The following SUMF1 variants were observed in gnomAD, a reference collection of about 807,000 sequenced individuals.
SUMF1 encodes the protein formylglycine-generating enzyme.
SUMF1 carries 48 observed loss-of-function variants against 47.6 expected under a neutral mutation model. The ratio of observed to expected loss-of-function variants is 1.01; its 90% CI spans 0.80 to 1.28. SUMF1 has a LOEUF of 1.28. Among genes scored for constraint, SUMF1 ranks in the 50% most tolerant of loss-of-function variants. The pLI is 0.00. For synonymous variants in SUMF1, 230 were observed against 192.1 expected (o/e 1.20, Z -1.63); for missense variants, 571 against 485.4 (o/e 1.18, Z -1.66).
At chr3:4,252,794 G>A in intron 8 of SUMF1, among the ~76,000 whole-genome samples, 1 of 149,360 alleles carries the variant, frequency 6.7e-6, no homozygotes, top group South Asian at 2.1e-4. Flanking sequence ...AAAAAAAACT[G>A]CAAATGGTCT....
At chr3:4,205,678 A>C (rs1695636268) in intron 8 of SUMF1, among the ~76,000 whole-genome samples, 1 of 152,326 alleles carries the variant, frequency 6.6e-6, no homozygotes, top group East Asian at 1.9e-4. Flanking sequence ...ACTTTTGCCA[A>C]CTCATAGAGG....
At chr3:4,217,137 G>A (rs903044732) in intron 8 of SUMF1, among the ~76,000 whole-genome samples, 5 of 152,022 alleles carry the variant, frequency 3.3e-5, no homozygotes, top group African/African-American at 9.7e-5. Context: ...ATGATAGACT[G>A]GATTAAAAAC....
At chr3:4,414,882 A>G (rs945297417) in intron 6 of SUMF1, 3 of 152,244 alleles carry the variant, frequency 2.0e-5, no homozygotes, top group Non-Finnish European at 2.9e-5. Context: ...TAACTGTCCA[A>G]GAAAACCCTG....
At chr3:4,371,092 T>C (rs1162628913) in intron 8 of SUMF1, among the ~76,000 whole-genome samples, 1 of 152,252 alleles carries the variant, frequency 6.6e-6, no homozygotes, top group Non-Finnish European at 1.5e-5. Flanking sequence ...AAGTCGTTTA[T>C]TTTAAATTCC....
At chr3:4,060,502 G>T (rs1048667147) in intron 9 of SUMF1, among the ~76,000 whole-genome samples, 2 of 152,124 alleles carry the variant, frequency 1.3e-5, no homozygotes, top group Non-Finnish European at 2.9e-5. Context: ...ACTTTTGAAA[G>T]GCATGAGATT....
At chr3:4,353,453 C>T (rs535515633) in intron 8 of SUMF1, among the ~76,000 whole-genome samples, 18 of 152,218 alleles carry the variant, frequency 1.2e-4, no homozygotes, top group African/African-American at 4.1e-4. Context: ...GGGGTTTCAC[C>T]GTGTTAGCCA....
chr3:4,164,811 A>C lies in SUMF1; in HGVS notation c.1015-96066T>G, dbSNP rs557546639. ...TCCTGATATCTGTGCCAGATTGGAT[A>C]ATAAACTTATCTTTTAGGATAAATT... is the stretch of plus-strand genomic sequence containing the variant. On this transcript the variant is annotated intron_variant and NMD_transcript_variant, in intron 8 of 12. Transcript: ENST00000448413. Among the ~76,000 whole-genome samples the C allele has an allele frequency of 2.0e-5, 3 of 152,218 alleles. No individual in the cohort carries two copies. In the South Asian group the frequency reaches 6.2e-4, roughly 32 times the overall value.
intron 8 of SUMF1, among the ~76,000 whole-genome samples, chr3:4,318,673 C>T (rs547901392): frequency 1.3e-5 from 2 of 152,082 alleles, no homozygotes; most frequent in Non-Finnish European, 2.9e-5. Context: ...TTTGGGAGGC[C>T]AAAGCAGACA....
At chr3:4,212,859 A>C (rs967340165) in intron 8 of SUMF1, among the ~76,000 whole-genome samples, 4 of 152,174 alleles carry the variant, frequency 2.6e-5, no homozygotes, top group African/African-American at 9.7e-5. Context: ...ACAAAATTAG[A>C]GAAAAAATTA....
Position 4,247,166 on chromosome 3 carries a change from G to C in SUMF1, c.1014+129164C>G, listed in dbSNP as rs188621359. On this transcript the variant is annotated intron_variant and NMD_transcript_variant, in intron 8 of 12. Transcript: ENST00000448413. The stretch of plus-strand genomic sequence containing the variant: ...GCCCCATTGCCCAGATGGTGAAACA[G>C]TGTGTCAGCAACAGAAGCAAAACCA... Among the ~76,000 whole-genome samples, 132 of 152,314 alleles carry C rather than the reference G, an allele frequency of 8.7e-4. 2 individuals are homozygous for C. The highest frequency in any genetic ancestry group is 1.6e-3 in the Non-Finnish European group (109 of 68,010).
intron 8 of SUMF1, among the ~76,000 whole-genome samples, chr3:4,094,132 A>C (rs1391937193): frequency 6.6e-6 from 1 of 152,152 alleles, no homozygotes; most frequent in Non-Finnish European, 1.5e-5. Flanking sequence ...GGTATAGGTC[A>C]TGATGAAATG....
At chr3:4,443,428 T>C (rs892848973) in intron 3 of SUMF1, among the ~76,000 whole-genome samples, 1 of 151,204 alleles carries the variant, frequency 6.6e-6, no homozygotes, top group Non-Finnish European at 1.5e-5. Context: ...AATAAACAGA[T>C]AATTAAAAGA....
At chr3:4,417,630 C>G (rs1701756686) in intron 5 of SUMF1, among the ~76,000 whole-genome samples, 2 of 152,158 alleles carry the variant, frequency 1.3e-5, no homozygotes, top group African/African-American at 4.8e-5. Context: ...GATGTGAACC[C>G]AACATGAGTT....
At chr3:4,075,706 A>G (rs1692417705) in intron 8 of SUMF1, among the ~76,000 whole-genome samples, 1 of 152,086 alleles carries the variant, frequency 6.6e-6, no homozygotes, top group East Asian at 1.9e-4. Flanking sequence ...ACAGACAAAC[A>G]GAGACAAATC....
At chr3:4,168,143 A>G (rs1334125145) in intron 8 of SUMF1, among the ~76,000 whole-genome samples, 1 of 152,160 alleles carries the variant, frequency 6.6e-6, no homozygotes, top group East Asian at 1.9e-4. Context: ...TCAGAACTAG[A>G]TATTTGTTAA....
chr3:4,117,416 C>G (rs956810249), intron 8 of SUMF1, among the ~76,000 whole-genome samples: 50 of 152,246 alleles, frequency 3.3e-4, no homozygotes, highest in Non-Finnish European at 6.0e-4. Flanking sequence ...ATGATACATG[C>G]TAATTAATAC....
chr3:4,073,927 C>G (rs946009415), intron 8 of SUMF1, among the ~76,000 whole-genome samples: 17 of 152,110 alleles, frequency 1.1e-4, no homozygotes, highest in African/African-American at 3.4e-4. Context: ...TTAGACAGAT[C>G]AAGGAGACAG....
chr3:4,242,197 A>C (rs1575011133), intron 8 of SUMF1, among the ~76,000 whole-genome samples: 1 of 152,114 alleles, frequency 6.6e-6, no homozygotes, highest in Non-Finnish European at 1.5e-5. Flanking sequence ...GGGTTTTCTA[A>C]ATATACAATC....
chr3:4,187,921 T>C (rs886103149), intron 8 of SUMF1, among the ~76,000 whole-genome samples: 1 of 152,202 alleles, frequency 6.6e-6, no homozygotes, highest in African/African-American at 2.4e-5. Context: ...TAGCCCAATG[T>C]TACTGTTTCG....
Sources: gnomAD v4.1 joint callset for allele counts (sites outside exome capture counted in the v4.1 genomes callset) on GRCh38, gnomAD v4.1.1 for gene constraint, MANE v1.5 for transcripts, NCBI Gene and HGNC (gene_info 2026-07-23, HGNC 2026-07-21) for gene names.